SYT16: variants seen among roughly 807,000 people sequenced by gnomAD.
The protein encoded by SYT16 is synaptotagmin-16.
Under a neutral mutation model 61.4 loss-of-function variants are expected in SYT16, and 42 were observed. The ratio of observed to expected loss-of-function variants is 0.68; its 90% CI spans 0.53 to 0.89. SYT16 has a LOEUF of 0.89. Ranked by LOEUF, SYT16 falls within the 40% of genes least tolerant of loss-of-function variation. The probability of loss-of-function intolerance (pLI) is 0.00; values close to 1 mark genes in which losing one functional copy is unlikely to be tolerated. For synonymous variants in SYT16, 314 were observed against 302.3 expected, an observed-to-expected ratio of 1.04 and a Z score of -0.40; for missense variants, 804 against 807.3, an observed-to-expected ratio of 1.00 and a Z score of 0.05.
rs962141025 is a variant in SYT16, at chr14:62,018,633, A to G, written c.523+22091A>G. Among the ~76,000 whole-genome samples, 35 of 152,016 alleles carry G rather than the reference A, an allele frequency of 2.3e-4. 1 individual carries two copies. Among genetic ancestry groups the G allele is most frequent in the Admixed American group, 4.6e-4 (7 of 15,268 alleles). ...ACCTTGGGTCTTCTTCTAAAATGCT[A>G]GTTATGCTTTTGCACTAGCTGTTTC... On this transcript the variant is annotated intron_variant, in intron 3 of 7. Transcript: ENST00000683842.
intron 5 of SYT16, among the ~76,000 whole-genome samples, chr14:62,075,784 A>G (rs1398190290): frequency 2.0e-5 from 3 of 152,122 alleles, no homozygotes; most frequent in Non-Finnish European, 4.4e-5. Flanking sequence ...AGTGGAGTCT[A>G]TTTTTATTTA....
At position 62,103,826 on chromosome 14, in the gene SYT16, G is replaced by C. The variant is rs931602911; in HGVS notation, c.*3119G>C. 6.6e-6 allele frequency: 1 copy of C among 152,180 alleles called. No individual in the cohort carries two copies. The allele number at this position is 152,180 out of a possible 1,614,324, so 9.4% of individuals were successfully genotyped here. ...GAATCATCACCATGTTTGTGAGAGG[G>C]AAAAGAGTATGGCATTGCATAGTCA... is the stretch of plus-strand genomic sequence containing the variant. On this transcript the variant is annotated 3_prime_UTR_variant, in exon 8 of 8. Coordinates refer to ENST00000683842, the MANE Select transcript of SYT16 (RefSeq NM_001367656.1).
intron 3 of SYT16, among the ~76,000 whole-genome samples, chr14:62,046,576 TA>T (rs1365347423): frequency 2.6e-5 from 4 of 152,352 alleles, no homozygotes; most frequent in African/African-American, 9.6e-5. Flanking sequence ...CTAGGGTTTT[TA>T]TGGTTTTAGG....
At chr14:61,887,256 A>G (rs1383762240) in intron 1 of SYT16, among the ~76,000 whole-genome samples, 1 of 152,184 alleles carries the variant, frequency 6.6e-6, no homozygotes, top group African/African-American at 2.4e-5. Context: ...CTGGGCTTAC[A>G]ATATTTAGTA....
At chr14:61,888,640 A>G (rs1262054515) in intron 1 of SYT16, among the ~76,000 whole-genome samples, 1 of 152,232 alleles carries the variant, frequency 6.6e-6, no homozygotes. Context: ...ATGTAATAAT[A>G]ATGTAAGGGT....
At chr14:62,048,489 T>C (rs1255736711) in intron 3 of SYT16, among the ~76,000 whole-genome samples, 1 of 152,238 alleles carries the variant, frequency 6.6e-6, no homozygotes, top group Non-Finnish European at 1.5e-5. Context: ...AGTTCTGCTC[T>C]GATCTTAGTT....
At chr14:62,091,586 G>A (rs1031921175) in intron 7 of SYT16, among the ~76,000 whole-genome samples, 21 of 152,148 alleles carry the variant, frequency 1.4e-4, no homozygotes, top group South Asian at 6.2e-4. Flanking sequence ...CAAGGCTGCC[G>A]AGACCATTCA....
chr14:61,947,105 G>A (rs2050468542), intron 1 of SYT16, among the ~76,000 whole-genome samples: 1 of 152,090 alleles, frequency 6.6e-6, no homozygotes, highest in Admixed American at 6.6e-5. Flanking sequence ...TGCAAAGAGT[G>A]GATGCTGTGA....
intron 3 of SYT16, among the ~76,000 whole-genome samples, chr14:62,011,479 G>T (rs1345558219): frequency 6.6e-6 from 1 of 152,140 alleles, no homozygotes; most frequent in African/African-American, 2.4e-5. Context: ...CTTAAATTAT[G>T]TGACAAACTT....
rs556744820 is a variant in SYT16, at chr14:61,886,241, G to A, written c.-325+73431G>A. 2.6e-5 allele frequency among the ~76,000 whole-genome samples: 4 copies of A among 152,054 alleles called. No individual in the cohort carries two copies. The South Asian group carries it at 8.3e-4, about 32-fold the overall frequency. On this transcript the variant is annotated intron_variant, in intron 1 of 7. Coordinates refer to ENST00000683842, the MANE Select transcript of SYT16 (RefSeq NM_001367656.1). ...GGCCTTTCAAAGTGCTGGGATTACAGGCGTGAGCCACCGCACCTGGCTGGC... is the reference window on the plus strand; with the variant it reads ...GGCCTTTCAAAGTGCTGGGATTACAAGCGTGAGCCACCGCACCTGGCTGGC...
chr14:61,977,688 C>A (rs914815550), intron 2 of SYT16, among the ~76,000 whole-genome samples: 4 of 151,976 alleles, frequency 2.6e-5, no homozygotes, highest in African/African-American at 7.3e-5. Flanking sequence ...AAAGTGTTAC[C>A]ATTATCACCC....
At chr14:61,971,225 C>G (rs558306765) in intron 2 of SYT16, among the ~76,000 whole-genome samples, 4 of 152,130 alleles carry the variant, frequency 2.6e-5, no homozygotes, top group Non-Finnish European at 5.9e-5. Flanking sequence ...TTATCTACTG[C>G]TTATAACAAA....
chr14:62,081,030 G>T lies in SYT16; in HGVS notation c.1190G>T (p.Gly397Val). The change falls in exon 6 of 8, where the codon GGT becomes GTT. Residue 397 changes from glycine to valine, a missense_variant. Transcript: ENST00000683842. ...CAAGTTCATGTAGTGCTGCTGCCTG[G>T]TAAGAAACACAGGGGCAGGACGAAC... is the stretch of plus-strand genomic sequence containing the variant. Reference protein sequence around the residue: ...SWQVHVVLLPGKKHRGRTNIQ... With the variant: ...SWQVHVVLLPVKKHRGRTNIQ... 1 of 1,613,466 alleles carries T rather than the reference G, an allele frequency of 6.2e-7. No homozygotes were observed. Among genetic ancestry groups the T allele is most frequent in the Non-Finnish European group, 8.5e-7 (1 of 1,179,678 alleles).
chr14:61,834,428 CTTTTTTTTTT>C (rs35260303), intron 1 of SYT16, among the ~76,000 whole-genome samples: 2 of 76,852 alleles, frequency 2.6e-5, no homozygotes, highest in African/African-American at 6.5e-5. Context: ...CCGTGCCTGG[CTTTTTTTTTT>C]TTTTTTTTTT....
intron 2 of SYT16, among the ~76,000 whole-genome samples, chr14:61,971,590 T>A (rs1415079020): frequency 6.6e-6 from 1 of 152,236 alleles, no homozygotes; most frequent in Non-Finnish European, 1.5e-5. Flanking sequence ...AATGTCACTT[T>A]TATCACATTG....
intron 6 of SYT16, among the ~76,000 whole-genome samples, chr14:62,082,673 A>G (rs1002202380): frequency 5.9e-5 from 9 of 152,188 alleles, no homozygotes; most frequent in African/African-American, 9.7e-5. Flanking sequence ...TATCTGAGTA[A>G]AGCACATCGG....
At position 62,075,240 on chromosome 14, in the gene SYT16, A is replaced by G; in HGVS notation, c.842A>G (p.Lys281Arg). 2.5e-6 allele frequency: 4 copies of G among 1,613,832 alleles called. No individual in the cohort carries two copies. Among genetic ancestry groups the G allele is most frequent in the Non-Finnish European group, 3.4e-6 (4 of 1,179,836 alleles). The change falls in exon 5 of 8, where the codon AAA becomes AGA. Residue 281 changes from lysine (K) to arginine (R), a missense_variant. Lys to Arg is a conservative substitution (Grantham distance 26, BLOSUM62 2). Transcript: ENST00000683842. Reference sequence around the variant, plus strand: ...TCCCCATGTGAAAGAGGGGATGCCAAACACCACGGCACATCTCACCAAGAG... The same window carrying G: ...TCCCCATGTGAAAGAGGGGATGCCAGACACCACGGCACATCTCACCAAGAG... ...SQSPCERGDA[K>R]HHGTSHQESS...
chr14:62,082,279 T>G (rs1023881389), intron 6 of SYT16, among the ~76,000 whole-genome samples: 1 of 152,114 alleles, frequency 6.6e-6, no homozygotes, highest in East Asian at 1.9e-4. Flanking sequence ...TGGTGGCAGA[T>G]CTGTCTGCTT....
Position 61,823,571 on chromosome 14 carries a change from A to G in SYT16, c.-325+10761A>G, listed in dbSNP as rs546652201. Among the ~76,000 whole-genome samples the G allele has an allele frequency of 2.5e-4, 36 of 142,528 alleles. No homozygotes were observed. In the South Asian group the frequency reaches 2.7e-3, roughly 10 times the overall value. The allele number at this position is 142,528 out of a possible 152,430, so 93.5% of individuals were successfully genotyped here. A position where few individuals can be genotyped will look rare whatever the true frequency, so the allele number is the denominator to read the frequency against. On this transcript the variant is annotated intron_variant, in intron 1 of 7. Coordinates refer to ENST00000683842, the MANE Select transcript of SYT16 (RefSeq NM_001367656.1). ...TGGCAAAAACCCATCTCTACTAAAA[A>G]TACAAAAAAAAAAAAAAAAAAAAAA...
Sources: allele counts gnomAD v4.1 joint callset (sites outside exome capture counted in the v4.1 genomes callset), GRCh38; gene constraint gnomAD v4.1.1; transcripts MANE v1.5; gene names NCBI Gene and HGNC (gene_info 2026-07-23, HGNC 2026-07-21).